GARNL3: variants seen among roughly 807,000 people sequenced by gnomAD.
GARNL3 encodes the protein GTPase-activating Rap/Ran-GAP domain-like protein 3.
A neutral mutation model predicts 125.0 loss-of-function variants in GARNL3; 63 were observed. The observed-to-expected ratio is 0.50, with a 90% confidence interval of 0.41 to 0.62. GARNL3 has a LOEUF of 0.62. GARNL3 is among the 20% of genes least tolerant of loss of function. The pLI, the probability that GARNL3 is intolerant of heterozygous loss-of-function variation, is 0.00. For synonymous variants in GARNL3, 439 were observed against 457.5 expected (o/e 0.96, Z 0.52); for missense variants, 994 against 1,244.0 (o/e 0.80, Z 3.02).
intron 9 of GARNL3, among the ~76,000 whole-genome samples, chr9:127,334,264 C>T (rs1184780980): frequency 1.3e-5 from 2 of 152,132 alleles, no homozygotes. Context: ...GCATTGCTAG[C>T]TTTTCCCTTT....
intron 25 of GARNL3, among the ~76,000 whole-genome samples, chr9:127,387,572 A>G (rs1832609776): frequency 6.6e-6 from 1 of 151,788 alleles, no homozygotes; most frequent in African/African-American, 2.4e-5. Context: ...GTGAAACCCC[A>G]TCTCTACTAA....
chr9:127,328,705 C>A (rs1489171093), intron 7 of GARNL3, among the ~76,000 whole-genome samples: 2 of 152,146 alleles, frequency 1.3e-5, no homozygotes, highest in East Asian at 1.9e-4. Flanking sequence ...CCAAAAAATT[C>A]TTCTGGAATC....
At chr9:127,233,443 G>T (rs2131140233) in intron 1 of GARNL3, among the ~76,000 whole-genome samples, 1 of 152,222 alleles carries the variant, frequency 6.6e-6, no homozygotes, top group Admixed American at 6.5e-5. Flanking sequence ...GAAGGGAATT[G>T]ATATTGGGTT....
At chr9:127,328,770 A>G (rs62578846) in intron 7 of GARNL3, among the ~76,000 whole-genome samples, 21,262 of 152,192 alleles carry the variant, frequency 0.14, 1,897 homozygotes, top group East Asian at 0.22. Flanking sequence ...ACTATAATTC[A>G]TAGCATACTA....
intron 14 of GARNL3, among the ~76,000 whole-genome samples, chr9:127,342,560 G>T (rs771305663): frequency 1.3e-5 from 2 of 152,150 alleles, no homozygotes; most frequent in Non-Finnish European, 2.9e-5. Flanking sequence ...GAAAGCCAGG[G>T]CCTGTGGAAA....
chr9:127,282,043 C>G (rs924055734), intron 1 of GARNL3, among the ~76,000 whole-genome samples: 2 of 152,184 alleles, frequency 1.3e-5, no homozygotes, highest in Admixed American at 6.5e-5. Context: ...CAGTGTCTGT[C>G]CCCTGTTCTT....
At chr9:127,357,083 T>G (rs1250590003) in intron 20 of GARNL3, 136 bp from the exon 21 acceptor site, 7 of 786,362 alleles carry the variant, frequency 8.9e-6, no homozygotes, top group African/African-American at 1.7e-5. Context: ...TTGTCCCTTC[T>G]TCCCTGTAGC....
intron 7 of GARNL3, among the ~76,000 whole-genome samples, chr9:127,331,720 C>CTTTTTT (rs60448026): frequency 0.053 from 3,927 of 74,322 alleles, 563 homozygotes; most frequent in African/African-American, 0.18. Flanking sequence ...CTTGGGCTTG[C>CTTTTTT]TTTTTTTTTT....
At chr9:127,287,806 C>T (rs1364937031) in intron 1 of GARNL3, among the ~76,000 whole-genome samples, 2 of 152,206 alleles carry the variant, frequency 1.3e-5, no homozygotes, top group Admixed American at 6.5e-5. Flanking sequence ...GTGGTGCTTC[C>T]GGTTATCTGG....
chr9:127,226,130 T>C (rs2062908906), intron 1 of GARNL3, among the ~76,000 whole-genome samples: 1 of 152,212 alleles, frequency 6.6e-6, no homozygotes, highest in Non-Finnish European at 1.5e-5. Context: ...GAAAGAGGTC[T>C]TCCTAAAGCC....
chr9:127,231,017 T>TAC (rs2062993079), intron 1 of GARNL3, among the ~76,000 whole-genome samples: 3 of 110,766 alleles, frequency 2.7e-5, no homozygotes, highest in South Asian at 3.0e-4. Flanking sequence ...TGTGTATATA[T>TAC]ACATATATGT....
intron 22 of GARNL3, among the ~76,000 whole-genome samples, chr9:127,370,057 CTG>C (rs139536133): frequency 0.013 from 2,002 of 152,304 alleles, 47 homozygotes; most frequent in African/African-American, 0.046. Context: ...GCTCTCTTGA[CTG>C]TGGTTAGCTT....
chr9:127,380,911 G>T lies in GARNL3; in HGVS notation c.2162-2527G>T, dbSNP rs561922562. 5.3e-5 allele frequency among the ~76,000 whole-genome samples: 8 copies of T among 152,268 alleles called. No individual in the cohort carries two copies. In the East Asian group the frequency reaches 1.5e-3, roughly 29 times the overall value. On this transcript the variant is annotated intron_variant, in intron 22 of 27. Coordinates refer to ENST00000373387, the MANE Select transcript of GARNL3 (RefSeq NM_032293.5). Reference sequence around the variant, plus strand: ...TATTTTATTTTTTTGAGACAGTCTAGCTTTGTCACCAGGCTGGAGTGCAGT... The same window carrying T: ...TATTTTATTTTTTTGAGACAGTCTATCTTTGTCACCAGGCTGGAGTGCAGT...
At chr9:127,286,398 T>TA (rs2064249648) in intron 1 of GARNL3, among the ~76,000 whole-genome samples, 1 of 152,328 alleles carries the variant, frequency 6.6e-6, no homozygotes, top group East Asian at 1.9e-4. Flanking sequence ...AGAGGGTGGT[T>TA]AGTGTAGGAG....
chr9:127,253,240 C>T (rs2063437274), intron 2 of GARNL3, among the ~76,000 whole-genome samples: 2 of 152,116 alleles, frequency 1.3e-5, no homozygotes, highest in African/African-American at 4.8e-5. Context: ...GCTGGCCTCA[C>T]CCTCCCCTGT....
chr9:127,352,160 T>G (rs770695055), intron 17 of GARNL3, among the ~76,000 whole-genome samples: 3 of 152,220 alleles, frequency 2.0e-5, no homozygotes, highest in Admixed American at 6.5e-5. Flanking sequence ...CATTTTATGT[T>G]CCAACACTGG....
At chr9:127,323,228 G>T (rs1244355646) in intron 6 of GARNL3, among the ~76,000 whole-genome samples, 1 of 152,108 alleles carries the variant, frequency 6.6e-6, no homozygotes, top group African/African-American at 2.4e-5. Context: ...CTAGAAAGCA[G>T]CAAAAAAGAG....
At chr9:127,303,768 T>C (rs1217536612) in intron 2 of GARNL3, among the ~76,000 whole-genome samples, 6 of 152,190 alleles carry the variant, frequency 3.9e-5, no homozygotes, top group Non-Finnish European at 1.5e-5. Context: ...TTTGAGAACA[T>C]TCAAATAAAA....
In GARNL3 at chr9:127,348,991, A is replaced by C; in HGVS notation, c.1499A>C (p.Gln500Pro). 6.2e-7 allele frequency: 1 copy of C among 1,614,034 alleles called. No homozygotes were observed. Residue 500 changes from glutamine to proline, a missense_variant, in exon 17 of 28, where the codon CAG becomes CCG. This residue lies in a region of GARNL3 where 728 missense variants were observed against 865.7 expected (regional missense o/e 0.84). Transcript: ENST00000373387. ...HEAVCADPWG[Q>P]ALLVSTDAGV... is the part of the protein sequence containing the mutation. ...GCCGTGTGTGCAGATCCCTGGGGCCAGGCCTTGCTGGTTTCCACTGATGCT... is the reference window on the plus strand; with the variant it reads ...GCCGTGTGTGCAGATCCCTGGGGCCCGGCCTTGCTGGTTTCCACTGATGCT...
Sources: allele counts gnomAD v4.1 joint callset (sites outside exome capture counted in the v4.1 genomes callset), GRCh38; gene constraint gnomAD v4.1.1; regional missense constraint gnomAD v4.1.1; transcripts MANE v1.5; gene names NCBI Gene and HGNC (gene_info 2026-07-23, HGNC 2026-07-21).